Variants in HERC1 observed in about 807,000 individuals in gnomAD.
HERC1 encodes HECT and RLD domain containing E3 ubiquitin protein ligase family member 1, also known as probable E3 ubiquitin-protein ligase HERC1.
Under a neutral mutation model 554.3 loss-of-function variants are expected in HERC1, and 160 were observed. The ratio of observed to expected loss-of-function variants is 0.29; its 90% CI spans 0.25 to 0.33. The LOEUF is 0.33. HERC1 is among the 10% of genes least tolerant of loss of function. HERC1 has a pLI of 1.00. For missense variants in HERC1, 4,919 were observed against 5,918.5 expected (o/e 0.83, Z 5.54); for synonymous variants, 2,175 against 2,131.7 (o/e 1.02, Z -0.56).
chr15:63,785,793 AG>A (rs2076419612), intron 1 of HERC1, among the ~76,000 whole-genome samples: 1 of 150,382 alleles, frequency 6.6e-6, no homozygotes, highest in Non-Finnish European at 1.5e-5. Flanking sequence ...AGGAAGGAAA[AG>A]GGGAAGGGGA....
At chr15:63,669,944 T>C (rs890428769) in intron 39 of HERC1, among the ~76,000 whole-genome samples, 3 of 152,158 alleles carry the variant, frequency 2.0e-5, no homozygotes, top group African/African-American at 7.2e-5. Context: ...GTTGGGGGAA[T>C]ACAGCCATTA....
At chr15:63,719,285 G>C (rs2073703919) in intron 19 of HERC1, among the ~76,000 whole-genome samples, 2 of 152,218 alleles carry the variant, frequency 1.3e-5, no homozygotes, top group African/African-American at 4.8e-5. Flanking sequence ...CATTTGAGCA[G>C]AGATCTAAAT....
rs765548188 is a variant in HERC1, at chr15:63,694,788, T to C, written c.5228A>G (p.Asn1743Ser). 4.3e-6 allele frequency: 7 copies of C among 1,613,948 alleles called. No homozygotes were observed. The Admixed American group carries it at 1.0e-4, about 23-fold the overall frequency. Reference sequence around the variant, plus strand: ...CGTTTACTTACCAATGTGATGCTTGTTTGCTTGCAGGGCTCTTTCCAGGGT... The same window carrying C: ...CGTTTACTTACCAATGTGATGCTTGCTTGCTTGCAGGGCTCTTTCCAGGGT... ...SATLERALQANKHHIEAQQRL... is the reference protein window; with the variant it reads ...SATLERALQASKHHIEAQQRL... Residue 1743 changes from asparagine to serine, a missense_variant, in exon 28 of 78, where the codon AAC becomes AGC. By Grantham distance (46) the Asn-to-Ser change is conservative. Around this residue, in one of 11 missense-constraint regions of HERC1, gnomAD observed 1,121 missense variants for 1,244.0 expected, o/e 0.90. Coordinates refer to ENST00000443617, the MANE Select transcript of HERC1 (RefSeq NM_003922.4). This position sits in a 1 kb window ranked among gnomAD's most constrained non-coding sequence, Gnocchi z 4.3.
intron 1 of HERC1, among the ~76,000 whole-genome samples, chr15:63,788,789 T>C (rs1395882181): frequency 6.7e-6 from 1 of 149,150 alleles, no homozygotes; most frequent in African/African-American, 2.5e-5. Flanking sequence ...TGGTGGCAAG[T>C]GCCTGCAATC....
In HERC1 at chr15:63,674,560, T is replaced by G. The variant is rs778597072; in HGVS notation, c.7628A>C (p.His2543Pro). The G allele has an allele frequency of 1.1e-5, 18 of 1,612,636 alleles. No individual in the cohort carries two copies. The highest frequency in any genetic ancestry group is 9.3e-6 in the Non-Finnish European group (11 of 1,179,278). The change falls in exon 38 of 78, where the codon CAC becomes CCC. Residue 2543 changes from histidine (H) to proline (P), a missense_variant. Transcript: ENST00000443617. The stretch of plus-strand genomic sequence containing the variant: ...TGGAGAACTTGCACAGTCTGAGTTG[T>G]GGCCATTTTCAGCCAGAACTTTTGG... ...LIPKVLAENG[H>P]NSDCASSPVV...
Position 63,656,209 on chromosome 15 carries a change from C to A in HERC1, c.9749G>T (p.Arg3250Leu). Reference sequence around the variant, plus strand: ...CTTGTTAGCCTTGCTATGCCCACCTCGTGATCGTTCTGAGGTGCTAGCCAT... The same window carrying A: ...CTTGTTAGCCTTGCTATGCCCACCTAGTGATCGTTCTGAGGTGCTAGCCAT... ...SAMASTSERSRGGHSKANKPI... is the reference protein window; with the variant it reads ...SAMASTSERSLGGHSKANKPI... Residue 3250 changes from arginine (R) to leucine (L), a missense_variant, in exon 49 of 78, where the codon CGA becomes CTA. By Grantham distance (102) the Arg-to-Leu change is moderately radical. Transcript: ENST00000443617. 1 of 1,613,106 alleles carries A rather than the reference C, an allele frequency of 6.2e-7. No individual in the cohort carries two copies. Among genetic ancestry groups the A allele is most frequent in the Non-Finnish European group, 8.5e-7 (1 of 1,179,518 alleles).
At chr15:63,788,870 G>A (rs566498342) in intron 1 of HERC1, among the ~76,000 whole-genome samples, 22 of 125,324 alleles carry the variant, frequency 1.8e-4, no homozygotes, top group Admixed American at 1.3e-3. Flanking sequence ...GCAAGACTCC[G>A]TCTCAAAAAA....
chr15:63,609,218 G>A lies in HERC1; in HGVS notation c.14449C>T (p.Leu4817=). The change falls in exon 78 of 78, where the codon CTG becomes TTG. Residue 4817 remains leucine (L), a synonymous_variant. Transcript: ENST00000443617. ...TSQTCFFQLR[L]PPYSSQLVMA... is the part of the protein sequence containing the mutation. ...ACCAGCTGGCTGGAGTACGGGGGCA[G>A]CCTCAGCTGGAAGAAGCAGGTCTGT... 7 of 1,613,618 alleles carry A rather than the reference G, an allele frequency of 4.3e-6. No homozygotes were observed. Among genetic ancestry groups the A allele is most frequent in the Non-Finnish European group, 5.9e-6 (7 of 1,179,760 alleles).
intron 30 of HERC1, 86 bp downstream of exon 30, chr15:63,693,878 G>C: frequency 7.5e-7 from 1 of 1,334,658 alleles, no homozygotes; most frequent in African/African-American, 1.5e-5. Flanking sequence ...TCATAAGGAA[G>C]AGGAACTCTA....
chr15:63,708,284 T>A (rs979458185), intron 24 of HERC1, among the ~76,000 whole-genome samples: 2 of 152,186 alleles, frequency 1.3e-5, no homozygotes, highest in African/African-American at 4.8e-5. Flanking sequence ...AATTTTGTTT[T>A]TTATCTTTTA....
At chr15:63,693,880 G>C (rs1370795949) in intron 30 of HERC1, 84 bp downstream of exon 30, 2 of 1,347,504 alleles carry the variant, frequency 1.5e-6, no homozygotes, top group Non-Finnish European at 2.0e-6. Flanking sequence ...ATAAGGAAGA[G>C]GAACTCTACA....
intron 24 of HERC1, among the ~76,000 whole-genome samples, chr15:63,710,921 G>A (rs992563851): frequency 6.6e-6 from 1 of 152,172 alleles, no homozygotes; most frequent in African/African-American, 2.4e-5. Flanking sequence ...AGAGGTAGTG[G>A]GACCAGACCA....
chr15:63,785,091 A>AATAAATAT (rs1289126386), intron 1 of HERC1, among the ~76,000 whole-genome samples: 33 of 152,338 alleles, frequency 2.2e-4, no homozygotes, highest in Middle Eastern at 6.8e-3. Flanking sequence ...AGTTGACTCA[A>AATAAATAT]ATAAATATAT....
chr15:63,752,745 C>T (rs966579808), intron 8 of HERC1: 3 of 437,824 alleles, frequency 6.9e-6, no homozygotes, highest in African/African-American at 4.0e-5. Flanking sequence ...AGAACAGAGG[C>T]TCCACTAAGA....
Position 63,641,790 on chromosome 15 carries a change from C to A in HERC1, c.11434-147G>T, listed in dbSNP as rs560071266. On this transcript the variant is annotated intron_variant, in intron 59 of 77. Transcript: ENST00000443617. ...ATCCAAAAAGGCTATGCTTTTAATG[C>A]CTATGGAACTTCAAAATATCCTAAA... The A allele has an allele frequency of 8.8e-5, 49 of 555,128 alleles. No homozygotes were observed. In the South Asian group the frequency reaches 1.4e-3, roughly 16 times the overall value. 34.4% of individuals were successfully genotyped at this position (555,128 alleles called of 1,614,324 possible).
intron 68 of HERC1, among the ~76,000 whole-genome samples, chr15:63,630,887 C>T (rs1230890955): frequency 1.3e-5 from 2 of 152,168 alleles, no homozygotes; most frequent in East Asian, 1.9e-4. Context: ...TATCTAAACT[C>T]GGTAACTTGT....
intron 2 of HERC1, among the ~76,000 whole-genome samples, chr15:63,772,490 C>T (rs2075983544): frequency 6.6e-6 from 1 of 150,734 alleles, no homozygotes; most frequent in African/African-American, 2.4e-5. Context: ...ACCATAAATA[C>T]ATTATTTTAT....
At position 63,716,213 on chromosome 15, in the gene HERC1, G is replaced by A; in HGVS notation, c.4150+89C>T. The A allele has an allele frequency of 3.3e-6, 4 of 1,229,796 alleles. No individual in the cohort carries two copies. The South Asian group carries it at 5.8e-5, about 18-fold the overall frequency. 76.2% of individuals were successfully genotyped at this position (1,229,796 alleles called of 1,614,324 possible). A position where few individuals can be genotyped will look rare whatever the true frequency, so the allele number is the denominator to read the frequency against. Reference sequence around the variant, plus strand: ...ATAAAGTCCTTTTAGAAAAACTATGGAGAAACTTTGCCTTTCTCTTTCAAG... The same window carrying A: ...ATAAAGTCCTTTTAGAAAAACTATGAAGAAACTTTGCCTTTCTCTTTCAAG... On this transcript the variant is annotated intron_variant, in intron 22 of 77. Transcript: ENST00000443617.
intron 40 of HERC1, among the ~76,000 whole-genome samples, chr15:63,668,944 C>T (rs1302161632): frequency 3.9e-5 from 6 of 152,178 alleles, no homozygotes; most frequent in Non-Finnish European, 8.8e-5. Context: ...ATTTATAGAA[C>T]ACTCAACAAC....
Sources: gnomAD v4.1 joint callset for allele counts (sites outside exome capture counted in the v4.1 genomes callset) on GRCh38, gnomAD v4.1.1 for gene constraint, gnomAD v4.1.1 regional missense constraint, Gnocchi (gnomAD v3.1) non-coding constraint, MANE v1.5 for transcripts, NCBI Gene and HGNC (gene_info 2026-07-23, HGNC 2026-07-21) for gene names.